ATM: variants seen among roughly 807,000 people sequenced by gnomAD.
The protein encoded by ATM is ATM serine/threonine kinase, also known as serine-protein kinase ATM.
A neutral mutation model predicts 387.0 loss-of-function variants in ATM; 308 were observed. The observed-to-expected ratio is 0.80, with a 90% CI of 0.73 to 0.87. ATM has a LOEUF of 0.87. Among genes scored for constraint, ATM ranks in the 40% least tolerant of loss-of-function variants. The pLI is 0.00. For missense variants in ATM, 3,312 were observed against 3,560.9 expected (o/e 0.93, Z 1.78); for synonymous variants, 1,156 against 1,187.3 (o/e 0.97, Z 0.54).
chr11:108,362,500 G>T (rs1004864526), intron 61 of ATM, among the ~76,000 whole-genome samples: 2 of 149,222 alleles, frequency 1.3e-5, no homozygotes, highest in Admixed American at 6.7e-5. Context: ...ACATGCACAC[G>T]TATGTTTATT....
chr11:108,341,503 T>C (rs1170303100), intron 56 of ATM, among the ~76,000 whole-genome samples: 1 of 152,174 alleles, frequency 6.6e-6, no homozygotes, highest in Non-Finnish European at 1.5e-5. Flanking sequence ...CCTAGCCCTG[T>C]GTGTAACATG....
chr11:108,333,458 T>C (rs2086498209), intron 53 of ATM, among the ~76,000 whole-genome samples: 1 of 152,242 alleles, frequency 6.6e-6, no homozygotes, highest in Non-Finnish European at 1.5e-5. Flanking sequence ...CAGAATCATA[T>C]CTTCAAGTTT....
Position 108,325,274 on chromosome 11 carries a change from C to G in ATM, c.6573-36C>G, listed in dbSNP as rs759869598. 2.0e-4 allele frequency: 97 copies of G among 485,046 alleles called. No individual in the cohort carries two copies. The highest frequency in any genetic ancestry group is 4.4e-4 in the Middle Eastern group (1 of 2,262). 30.0% of individuals were successfully genotyped at this position (485,046 alleles called of 1,614,324 possible). A position where few individuals can be genotyped will look rare whatever the true frequency, so the allele number is the denominator to read the frequency against. On this transcript the variant is annotated intron_variant, in intron 45 of 62. Coordinates refer to ENST00000675843, the MANE Select transcript of ATM (RefSeq NM_000051.4). ...GTTTTTTTTTTTTTTTTTTTCATTT[C>G]TCTTGCTTACATGAACTCTATGTCG... is the stretch of plus-strand genomic sequence containing the variant.
intron 22 of ATM, 110 bp from the exon 23 acceptor site, chr11:108,279,381 A>G: frequency 1.3e-6 from 1 of 794,622 alleles, no homozygotes; most frequent in Non-Finnish European, 2.1e-6. Flanking sequence ...GTATGTTATT[A>G]TGTCTCACAG....
chr11:108,340,555 C>T (rs1349177834), intron 56 of ATM, among the ~76,000 whole-genome samples: 1 of 152,180 alleles, frequency 6.6e-6, no homozygotes, highest in African/African-American at 2.4e-5. Context: ...ACTTTACCAC[C>T]CCTGCTATTA....
At chr11:108,324,959 G>A (rs569408974) in intron 45 of ATM, among the ~76,000 whole-genome samples, 39 of 152,210 alleles carry the variant, frequency 2.6e-4, no homozygotes, top group African/African-American at 9.1e-4. Flanking sequence ...TATTGAAGCA[G>A]GACTAAAGAT....
At chr11:108,251,186 T>G in intron 10 of ATM, 114 bp downstream of exon 10, 1 of 1,479,724 alleles carries the variant, frequency 6.8e-7, no homozygotes, top group Non-Finnish European at 9.3e-7. Flanking sequence ...GATGTCAAAT[T>G]CTATTTCAGA....
chr11:108,339,544 T>C (rs2087257024), intron 56 of ATM, among the ~76,000 whole-genome samples: 2 of 152,130 alleles, frequency 1.3e-5, no homozygotes, highest in Non-Finnish European at 1.5e-5. Flanking sequence ...TCACACAAAA[T>C]ACCCAGATAC....
chr11:108,261,805 A>G (rs954318123), intron 16 of ATM, among the ~76,000 whole-genome samples: 3 of 152,218 alleles, frequency 2.0e-5, no homozygotes, highest in Non-Finnish European at 4.4e-5. Flanking sequence ...GATGGAGCTG[A>G]AAACCAACGC....
chr11:108,327,894 GTA>G lies in ATM; in HGVS notation c.7089+139_7089+140del, dbSNP rs1240563653. On this transcript the variant is annotated intron_variant, in intron 48 of 62. Transcript: ENST00000675843. ...TATATATTATTACTGTTGTAGCTCTGTATAGTCTCTAGGGTGGAGTGAAACAT... is the reference window on the plus strand; with the variant it reads ...TATATATTATTACTGTTGTAGCTCTGTAGTCTCTAGGGTGGAGTGAAACAT... 5.1e-6 allele frequency: 4 copies of G among 781,880 alleles called. No individual in the cohort carries two copies. In the Admixed American group the frequency reaches 8.6e-5, roughly 17 times the overall value. The allele number at this position is 781,880 out of a possible 1,614,324, so 48.4% of individuals were successfully genotyped here.
Position 108,294,956 on chromosome 11 carries a change from T to G in ATM, c.4806T>G (p.Val1602=). The change falls in exon 32 of 63, where the codon GTT becomes GTG. Residue 1602 remains valine (V), a synonymous_variant. Coordinates refer to ENST00000675843, the MANE Select transcript of ATM (RefSeq NM_000051.4). ...TTAACCATTTTCTCTCAGTAAGTGTTTATGATGCACTTCCATTGACAAGAC... is the reference window on the plus strand; with the variant it reads ...TTAACCATTTTCTCTCAGTAAGTGTGTATGATGCACTTCCATTGACAAGAC... ...EEINHFLSVS[V]YDALPLTRLE... 1 of 1,613,846 alleles carries G rather than the reference T, an allele frequency of 6.2e-7. No individual in the cohort carries two copies. Among genetic ancestry groups the G allele is most frequent in the Non-Finnish European group, 8.5e-7 (1 of 1,179,842 alleles).
intron 14 of ATM, 127 bp downstream of exon 14, chr11:108,256,467 A>G: frequency 1.1e-6 from 1 of 902,238 alleles, no homozygotes; most frequent in Non-Finnish European, 1.6e-6. Flanking sequence ...TTATTTATGT[A>G]ATGTGAGAAG....
In ATM at chr11:108,323,297, A is replaced by G. The variant is rs4988099; in HGVS notation, c.6572+1877A>G. On this transcript the variant is annotated intron_variant, in intron 45 of 62. Coordinates refer to ENST00000675843, the MANE Select transcript of ATM (RefSeq NM_000051.4). Reference sequence around the variant, plus strand: ...ACATTGGCAGTACTTACTGCCAGAAATCAAGAAATTTTTCCTCTGAATGAA... The same window carrying G: ...ACATTGGCAGTACTTACTGCCAGAAGTCAAGAAATTTTTCCTCTGAATGAA... Among the ~76,000 whole-genome samples, 382 of 152,340 alleles carry G rather than the reference A, an allele frequency of 2.5e-3. 9 individuals carry two copies. In the East Asian group the frequency reaches 0.071, roughly 28 times the overall value.
At chr11:108,290,591 T>C (rs1443590631) in intron 29 of ATM, 1 of 142,230 alleles carries the variant, frequency 7.0e-6, no homozygotes, top group Non-Finnish European at 1.5e-5. Context: ...TGAGCAAAGA[T>C]TGTGCCACTA....
chr11:108,229,378 G>GTT lies in ATM; in HGVS notation c.331+68_331+69dup, dbSNP rs11390378. On this transcript the variant is annotated intron_variant, in intron 4 of 62. Transcript: ENST00000675843. ...GGCTTAACAGATTACTGTCGCGTGAGTTTTTTTTTTTTTTCAGATCATTTT... is the reference window on the plus strand; with the variant it reads ...GGCTTAACAGATTACTGTCGCGTGAGTTTTTTTTTTTTTTTTCAGATCATTTT... The GTT allele has an allele frequency of 0.13, 163,195 of 1,231,716 alleles. 270 individuals are homozygous for GTT. The highest frequency in any genetic ancestry group is 0.17 in the Middle Eastern group (614 of 3,580). 76.3% of individuals were successfully genotyped at this position (1,231,716 alleles called of 1,614,324 possible). A position where few individuals can be genotyped will look rare whatever the true frequency, so the allele number is the denominator to read the frequency against.
chr11:108,350,814 T>C (rs1016944590), intron 59 of ATM, among the ~76,000 whole-genome samples: 17 of 152,276 alleles, frequency 1.1e-4, no homozygotes, highest in Admixed American at 3.3e-4. Flanking sequence ...TCCATTCAGG[T>C]CGTGCTAAAA....
intron 61 of ATM, among the ~76,000 whole-genome samples, chr11:108,357,377 C>T (rs1309622368): frequency 2.6e-5 from 4 of 152,172 alleles, no homozygotes; most frequent in South Asian, 2.1e-4. Flanking sequence ...GAGGGGCGCC[C>T]GCCATTGCCC....
At chr11:108,286,410 A>G (rs2082495684) in intron 26 of ATM, among the ~76,000 whole-genome samples, 1 of 152,048 alleles carries the variant, frequency 6.6e-6, no homozygotes, top group South Asian at 2.1e-4. Flanking sequence ...CTGAAAATGA[A>G]ATTATACTCC....
At chr11:108,305,219 T>C (rs2083626714) in intron 37 of ATM, among the ~76,000 whole-genome samples, 1 of 152,170 alleles carries the variant, frequency 6.6e-6, no homozygotes, top group Non-Finnish European at 1.5e-5. Context: ...AATCAGATAT[T>C]TTAGGTACTG....
Sources: gnomAD v4.1 joint callset for allele counts (sites outside exome capture counted in the v4.1 genomes callset) on GRCh38, gnomAD v4.1.1 for gene constraint, MANE v1.5 for transcripts, NCBI Gene and HGNC (gene_info 2026-07-23, HGNC 2026-07-21) for gene names.